Variants in PRKG2 observed in about 807,000 individuals in gnomAD.
PRKG2 encodes protein kinase cGMP-dependent 2.
A neutral mutation model predicts 97.2 loss-of-function variants in PRKG2; 33 were observed. The observed-to-expected ratio is 0.34, with a 90% CI of 0.26 to 0.45. The LOEUF is 0.45. Ranked by LOEUF, PRKG2 falls within the 20% of genes least tolerant of loss-of-function variation. The probability of loss-of-function intolerance (pLI) is 1.00; values close to 1 mark genes in which losing one functional copy is unlikely to be tolerated. For synonymous variants in PRKG2, 330 were observed against 321.8 expected (o/e 1.03, Z -0.27); for missense variants, 638 against 900.0 (o/e 0.71, Z 3.73).
intron 5 of PRKG2, among the ~76,000 whole-genome samples, chr4:81,167,681 A>C (rs77962536): frequency 0.11 from 16,583 of 152,084 alleles, 1,102 homozygotes; most frequent in Middle Eastern, 0.21. Context: ...TTGGGAGGGA[A>C]CATGGGAATT....
chr4:81,120,563 T>C (rs989663832), intron 14 of PRKG2, among the ~76,000 whole-genome samples: 3 of 152,178 alleles, frequency 2.0e-5, no homozygotes, highest in Non-Finnish European at 2.9e-5. Flanking sequence ...CTAATGCAAA[T>C]GGTATAGTGT....
intron 14 of PRKG2, 67 bp downstream of exon 14, chr4:81,135,088 A>C (rs1746545987): frequency 1.4e-6 from 2 of 1,445,008 alleles, no homozygotes; most frequent in Non-Finnish European, 1.9e-6. Context: ...GAAAATTGCA[A>C]CTAGAACACA....
chr4:81,211,347 T>C (rs997936646), intron 1 of PRKG2, among the ~76,000 whole-genome samples: 1 of 152,126 alleles, frequency 6.6e-6, no homozygotes, highest in Non-Finnish European at 1.5e-5. Flanking sequence ...TTCTACAATA[T>C]AGAAAGTCTA....
intron 2 of PRKG2, among the ~76,000 whole-genome samples, chr4:81,193,655 C>T (rs1752748612): frequency 6.6e-6 from 1 of 152,080 alleles, no homozygotes. Context: ...GCCTGGCCAA[C>T]ATGGTGCAAC....
At chr4:81,188,402 G>A (rs1455696034) in intron 2 of PRKG2, among the ~76,000 whole-genome samples, 1 of 143,678 alleles carries the variant, frequency 7.0e-6, no homozygotes, top group Non-Finnish European at 1.5e-5. Flanking sequence ...TGGAGAAATA[G>A]GAACACTTTG....
intron 2 of PRKG2, 75 bp from the exon 3 acceptor site, chr4:81,175,034 G>T: frequency 7.5e-7 from 1 of 1,333,900 alleles, no homozygotes; most frequent in Non-Finnish European, 1.0e-6. Flanking sequence ...ACTTTATTCT[G>T]ATTCTCAATA....
At chr4:81,178,663 G>A (rs1751138611) in intron 2 of PRKG2, among the ~76,000 whole-genome samples, 1 of 151,088 alleles carries the variant, frequency 6.6e-6, no homozygotes, top group African/African-American at 2.4e-5. Context: ...ATTTATAGAA[G>A]ATTGGAGAGA....
chr4:81,192,582 C>G (rs1347594523), intron 2 of PRKG2, among the ~76,000 whole-genome samples: 1 of 152,106 alleles, frequency 6.6e-6, no homozygotes, highest in Non-Finnish European at 1.5e-5. Flanking sequence ...TTCTGAATCT[C>G]AGATCTCTCA....
rs545352852 is a variant in PRKG2, at chr4:81,165,010, A to G, written c.912+2151T>C. 2.0e-5 allele frequency: 3 copies of G among 152,250 alleles called. No individual in the cohort carries two copies. The South Asian group carries it at 6.2e-4, about 32-fold the overall frequency. 9.4% of individuals were successfully genotyped at this position (152,250 alleles called of 1,614,324 possible). A position where few individuals can be genotyped will look rare whatever the true frequency, so the allele number is the denominator to read the frequency against. On this transcript the variant is annotated intron_variant, in intron 6 of 18. Coordinates refer to ENST00000264399, the MANE Select transcript of PRKG2 (RefSeq NM_006259.3). ...TGCATAACTGCCAGGTACGTAAGTC[A>G]TATTATTATTTTCATTGTCGTTAAT...
Position 81,153,947 on chromosome 4 carries a change from T to C in PRKG2, c.913-226A>G, listed in dbSNP as rs1748691620. ...AGCCGAAGCAGGGCGAGGCATTGCC[T>C]CACTCAGCAAGCACAAGGGGTCAGG... is the stretch of plus-strand genomic sequence containing the variant. On this transcript the variant is annotated intron_variant, in intron 6 of 18. Transcript: ENST00000264399. 2.0e-5 allele frequency among the ~76,000 whole-genome samples: 3 copies of C among 152,078 alleles called. No individual in the cohort carries two copies. In the South Asian group the frequency reaches 6.2e-4, roughly 31 times the overall value.
At chr4:81,182,910 T>C (rs1211457256) in intron 2 of PRKG2, among the ~76,000 whole-genome samples, 1 of 152,064 alleles carries the variant, frequency 6.6e-6, no homozygotes, top group Non-Finnish European at 1.5e-5. Context: ...GAATATACCA[T>C]GGTCATAGAT....
intron 2 of PRKG2, among the ~76,000 whole-genome samples, chr4:81,187,818 A>G (rs1189235621): frequency 6.6e-6 from 1 of 152,136 alleles, no homozygotes; most frequent in Admixed American, 6.5e-5. Context: ...CTATACACCA[A>G]TAACAGACAA....
chr4:81,182,227 A>C (rs907673667), intron 2 of PRKG2, among the ~76,000 whole-genome samples: 1 of 146,520 alleles, frequency 6.8e-6, no homozygotes, highest in African/African-American at 2.7e-5. Context: ...TATAAAAAAT[A>C]AATATTCTAG....
At chr4:81,163,513 C>T (rs1749741271) in intron 6 of PRKG2, among the ~76,000 whole-genome samples, 1 of 152,106 alleles carries the variant, frequency 6.6e-6, no homozygotes, top group African/African-American at 2.4e-5. Context: ...AAAATTGAAA[C>T]ATTTTTCAAA....
chr4:81,205,830 A>G (rs906577255), intron 1 of PRKG2, among the ~76,000 whole-genome samples: 1 of 152,254 alleles, frequency 6.6e-6, no homozygotes, highest in Non-Finnish European at 1.5e-5. Flanking sequence ...CAAAAATTAA[A>G]AAAATGAATA....
intron 2 of PRKG2, among the ~76,000 whole-genome samples, chr4:81,198,726 G>A (rs1225431556): frequency 6.6e-6 from 1 of 152,150 alleles, no homozygotes. Flanking sequence ...ACAAAAAACT[G>A]ATGCCTCATT....
At chr4:81,170,791 G>A (rs1021393541) in intron 4 of PRKG2, among the ~76,000 whole-genome samples, 1 of 151,992 alleles carries the variant, frequency 6.6e-6, no homozygotes, top group Non-Finnish European at 1.5e-5. Flanking sequence ...TATTCCTTTT[G>A]ATATAGATAC....
At chr4:81,169,117 T>A (rs966273127) in intron 5 of PRKG2, among the ~76,000 whole-genome samples, 1 of 151,970 alleles carries the variant, frequency 6.6e-6, no homozygotes, top group Non-Finnish European at 1.5e-5. Flanking sequence ...ACAGAATAGT[T>A]CACAAAATGA....
intron 2 of PRKG2, among the ~76,000 whole-genome samples, chr4:81,198,909 A>T (rs1257094258): frequency 6.6e-6 from 1 of 152,160 alleles, no homozygotes; most frequent in African/African-American, 2.4e-5. Flanking sequence ...GCATACTGAC[A>T]ACTTTCACCA....
Sources: gnomAD v4.1 joint callset for allele counts (sites outside exome capture counted in the v4.1 genomes callset) on GRCh38, gnomAD v4.1.1 for gene constraint, MANE v1.5 for transcripts, NCBI Gene and HGNC (gene_info 2026-07-23, HGNC 2026-07-21) for gene names.